Variants in ENTPD1 observed in about 807,000 individuals in gnomAD.
ENTPD1 encodes ectonucleoside triphosphate diphosphohydrolase 1, also known as ATP diphosphohydrolase.
A neutral mutation model predicts 57.0 loss-of-function variants in ENTPD1; 33 were observed. The ratio of observed to expected loss-of-function variants is 0.58; its 90% CI spans 0.44 to 0.77. ENTPD1 has a LOEUF of 0.77. Ranked by LOEUF, ENTPD1 falls within the 30% of genes least tolerant of loss-of-function variation. The pLI is 0.00. For missense variants in ENTPD1, 501 were observed against 603.4 expected, an observed-to-expected ratio of 0.83 and a Z score of 1.78; for synonymous variants, 202 against 218.8, an observed-to-expected ratio of 0.92 and a Z score of 0.68.
At chr10:95,748,003 C>T (rs2098007879) in intron 1 of ENTPD1, among the ~76,000 whole-genome samples, 1 of 152,040 alleles carries the variant, frequency 6.6e-6, no homozygotes, top group Non-Finnish European at 1.5e-5. Flanking sequence ...TCCCAAGTAG[C>T]TGGGATTACA....
At chr10:95,813,438 C>T (rs780495882) in intron 1 of ENTPD1, among the ~76,000 whole-genome samples, 78 of 152,200 alleles carry the variant, frequency 5.1e-4, no homozygotes, top group Non-Finnish European at 1.0e-3. Context: ...GCTGCCTATT[C>T]TTCATAGACT....
At chr10:95,733,275 C>A (rs1421381579) in intron 1 of ENTPD1, among the ~76,000 whole-genome samples, 3 of 152,338 alleles carry the variant, frequency 2.0e-5, no homozygotes, top group African/African-American at 7.2e-5. Flanking sequence ...GGCTCTCAGG[C>A]AGCCAGACCT....
At chr10:95,810,799 T>A (rs893453748) in intron 1 of ENTPD1, among the ~76,000 whole-genome samples, 4 of 152,190 alleles carry the variant, frequency 2.6e-5, no homozygotes, top group Non-Finnish European at 1.5e-5. Context: ...GAAGTTCCTG[T>A]TTCCAAGGTA....
At chr10:95,827,672 C>G (rs566625692) in intron 2 of ENTPD1, among the ~76,000 whole-genome samples, 1 of 151,898 alleles carries the variant, frequency 6.6e-6, no homozygotes, top group East Asian at 1.9e-4. Flanking sequence ...TTAGTAGAGA[C>G]GGGGTTTCAC....
intron 1 of ENTPD1, among the ~76,000 whole-genome samples, chr10:95,812,402 T>C (rs2098311957): frequency 6.6e-6 from 1 of 152,248 alleles, no homozygotes; most frequent in African/African-American, 2.4e-5. Context: ...ATACATATTG[T>C]TACATTTATC....
intron 5 of ENTPD1, 33 bp downstream of exon 5, chr10:95,844,668 C>T: frequency 6.2e-7 from 1 of 1,613,528 alleles, no homozygotes; most frequent in East Asian, 2.2e-5. Context: ...GGAGGTGGCT[C>T]TCTGGAGGCC....
intron 1 of ENTPD1, among the ~76,000 whole-genome samples, chr10:95,764,543 A>G (rs2098080452): frequency 6.6e-6 from 1 of 152,148 alleles, no homozygotes. Flanking sequence ...CATCCTTGCC[A>G]ACACTTTTTA....
chr10:95,694,356 A>G, the ENTPD1 span, among the ~76,000 whole-genome samples: 1 of 152,100 alleles, frequency 6.6e-6, no homozygotes, highest in Non-Finnish European at 1.5e-5. Flanking sequence ...TAATGTTCTC[A>G]GGTGGGGGAA....
chr10:95,862,867 A>T (rs969683114), intron 8 of ENTPD1, among the ~76,000 whole-genome samples: 12 of 152,232 alleles, frequency 7.9e-5, no homozygotes, highest in Admixed American at 4.6e-4. Flanking sequence ...AGGGAAAGGC[A>T]TCCCATTCTT....
At position 95,836,143 on chromosome 10, in the gene ENTPD1, G is replaced by A. The variant is rs188077309; in HGVS notation, c.145-3548G>A. 2.7e-3 allele frequency among the ~76,000 whole-genome samples: 412 copies of A among 152,210 alleles called. 2 individuals are homozygous for A. The highest frequency in any genetic ancestry group is 4.4e-3 in the Non-Finnish European group (297 of 67,998). ...AAAGATCAGTTGGCTGTAAGTGTAT[G>A]GCTTTATTTCAGGGTCTCTATTCTG... On this transcript the variant is annotated intron_variant, in intron 2 of 9. Transcript: ENST00000371205.
rs560684491 is a variant in ENTPD1, at chr10:95,873,306, C to G, written c.*6923C>G. On this transcript the variant is annotated 3_prime_UTR_variant, in exon 10 of 10. Transcript: ENST00000371205. Reference sequence around the variant, plus strand: ...AGCAGGCCAGCTAACGTGGTATTTACAAAGCTCACTCCTCTTATACAACAA... The same window carrying G: ...AGCAGGCCAGCTAACGTGGTATTTAGAAAGCTCACTCCTCTTATACAACAA... 13 of 985,322 alleles carry G rather than the reference C, an allele frequency of 1.3e-5. No individual in the cohort carries two copies. In the Admixed American group the frequency reaches 2.5e-4, roughly 19 times the overall value. The allele number at this position is 985,322 out of a possible 1,614,324, so 61.0% of individuals were successfully genotyped here. A position where few individuals can be genotyped will look rare whatever the true frequency, so the allele number is the denominator to read the frequency against.
At chr10:95,856,614 G>A (rs1355980277) in intron 7 of ENTPD1, among the ~76,000 whole-genome samples, 2 of 149,850 alleles carry the variant, frequency 1.3e-5, no homozygotes, top group East Asian at 1.9e-4. Flanking sequence ...CAATCAACAA[G>A]TGGACAAAGA....
At chr10:95,844,368 C>A in intron 4 of ENTPD1, 108 bp from the exon 5 acceptor site, 1 of 1,449,708 alleles carries the variant, frequency 6.9e-7, no homozygotes, top group South Asian at 1.2e-5. Flanking sequence ...TATTCCAGGG[C>A]ATTATGGTTC....
At chr10:95,746,229 A>G (rs1008916684) in intron 1 of ENTPD1, among the ~76,000 whole-genome samples, 7 of 152,068 alleles carry the variant, frequency 4.6e-5, no homozygotes, top group Non-Finnish European at 1.0e-4. Context: ...GAGGAAGAGA[A>G]CTCACCCTTA....
At chr10:95,705,059 T>G in the ENTPD1 span, among the ~76,000 whole-genome samples, 67,422 of 151,838 alleles carry the variant, frequency 0.44, 16,318 homozygotes, top group Admixed American at 0.54. Flanking sequence ...TCAAAGAAGT[T>G]CAAATGAAGA....
At chr10:95,843,733 G>A (rs2098427193) in intron 4 of ENTPD1, among the ~76,000 whole-genome samples, 1 of 152,226 alleles carries the variant, frequency 6.6e-6, no homozygotes, top group Non-Finnish European at 1.5e-5. Context: ...GGGGAGAAAA[G>A]CTGGGGATAA....
intron 1 of ENTPD1, among the ~76,000 whole-genome samples, chr10:95,726,814 T>C (rs2097984140): frequency 6.6e-6 from 1 of 152,186 alleles, no homozygotes; most frequent in Non-Finnish European, 1.5e-5. Flanking sequence ...GTGTTTGAGT[T>C]CCCAGTATCA....
At chr10:95,733,667 C>T (rs770274262) in intron 1 of ENTPD1, among the ~76,000 whole-genome samples, 4 of 152,150 alleles carry the variant, frequency 2.6e-5, no homozygotes, top group Non-Finnish European at 2.9e-5. Flanking sequence ...CCCTCTTTTC[C>T]GGGTCCCTGA....
At chr10:95,755,528 G>C, upstream of ENTPD1, 1 of 619,314 alleles carries the variant, frequency 1.6e-6, no homozygotes, top group South Asian at 2.1e-5. Flanking sequence ...GTTGGGAAAT[G>C]GTGGATGACT....
Sources: gnomAD v4.1 joint callset for allele counts (sites outside exome capture counted in the v4.1 genomes callset) on GRCh38, gnomAD v4.1.1 for gene constraint, MANE v1.5 for transcripts, NCBI Gene and HGNC (gene_info 2026-07-23, HGNC 2026-07-21) for gene names.